Variants in SHROOM2 observed in about 807,000 individuals in gnomAD.
The protein encoded by SHROOM2 is shroom family member 2.
In SHROOM2, 33 loss-of-function variants were observed where a neutral mutation model predicts 75.9. The observed-to-expected ratio is 0.43, with a 90% CI of 0.33 to 0.58. The LOEUF (loss-of-function observed/expected upper bound fraction) is 0.58, where lower values mean the gene tolerates loss of function less well. SHROOM2 is among the 20% of genes least tolerant of loss of function. The pLI, the probability that SHROOM2 is intolerant of heterozygous loss-of-function variation, is 0.04. For synonymous variants in SHROOM2, 655 were observed against 663.6 expected (o/e 0.99, Z 0.20); for missense variants, 1,434 against 1,461.2 (o/e 0.98, Z 0.30).
intron 1 of SHROOM2, among the ~76,000 whole-genome samples, chrX:9,867,369 G>T (rs185332570): frequency 1.8e-5 from 2 of 111,529 alleles, no homozygotes; most frequent in Non-Finnish European, 3.8e-5. Context: ...ATGGGTCGGG[G>T]ATGATTGACT....
chrX:9,941,560 C>T (rs962568244), intron 8 of SHROOM2, among the ~76,000 whole-genome samples: 4 of 112,185 alleles, frequency 3.6e-5, no homozygotes, highest in Non-Finnish European at 7.5e-5. Flanking sequence ...GAAATCTGGA[C>T]TCCTTTCAGA....
chrX:9,792,828 C>T (rs1338293380), intron 1 of SHROOM2, among the ~76,000 whole-genome samples: 4 of 109,740 alleles, frequency 3.6e-5, no homozygotes, highest in Admixed American at 2.0e-4. Flanking sequence ...TCAAGCAATC[C>T]TCCCACCTCA....
At chrX:9,918,299 C>G (rs748523572) in intron 5 of SHROOM2, among the ~76,000 whole-genome samples, 21 of 112,167 alleles carry the variant, frequency 1.9e-4, no homozygotes, top group Non-Finnish European at 3.2e-4. Context: ...CCAGTTTACA[C>G]TCCTAAAACA....
At chrX:9,890,091 G>A (rs1302339134) in intron 2 of SHROOM2, among the ~76,000 whole-genome samples, 1 of 112,998 alleles carries the variant, frequency 8.8e-6, no homozygotes, top group African/African-American at 3.2e-5. Flanking sequence ...GGCTGGCTGA[G>A]TGTGGTGGCT....
intron 2 of SHROOM2, among the ~76,000 whole-genome samples, chrX:9,879,907 C>T (rs760363397): frequency 5.2e-4 from 58 of 112,117 alleles, no homozygotes; most frequent in Non-Finnish European, 8.4e-4. Context: ...ATTTTTTTAT[C>T]GGTTCCACAA....
intron 1 of SHROOM2, among the ~76,000 whole-genome samples, chrX:9,845,029 C>T (rs1045590891): frequency 5.4e-5 from 6 of 110,133 alleles, no homozygotes; most frequent in African/African-American, 1.7e-4. Flanking sequence ...GTTAGGAGCC[C>T]GTAAATGTTT....
chrX:9,932,157 T>C lies in SHROOM2; in HGVS notation c.2892-18T>C. 8.9e-7 allele frequency: 1 copy of C among 1,118,502 alleles called. No individual in the cohort carries two copies. The highest frequency in any genetic ancestry group is 2.2e-5 in the South Asian group (1 of 44,514). The allele number at this position is 1,118,502 out of a possible 1,213,427, so 92.2% of individuals were successfully genotyped here. A position where few individuals can be genotyped will look rare whatever the true frequency, so the allele number is the denominator to read the frequency against. ...ATTATTGGAATCGTTGATTAATTTG[T>C]ACTTGTTCTTCCTCTAGACAAGCAG... On this transcript the variant is annotated intron_variant, in intron 5 of 9. Coordinates refer to ENST00000380913, the MANE Select transcript of SHROOM2 (RefSeq NM_001649.4).
intron 5 of SHROOM2, among the ~76,000 whole-genome samples, chrX:9,930,345 A>G (rs2084636069): frequency 9.1e-6 from 1 of 110,016 alleles, no homozygotes; most frequent in African/African-American, 3.3e-5. Context: ...GTGAAACCCT[A>G]TCTCTACAAA....
At chrX:9,844,627 A>G (rs997556684) in intron 1 of SHROOM2, among the ~76,000 whole-genome samples, 1 of 111,243 alleles carries the variant, frequency 9.0e-6, no homozygotes, top group African/African-American at 3.3e-5. Context: ...AGCCTGGACA[A>G]CATGATAAAA....
chrX:9,937,753 G>T, intron 7 of SHROOM2, 68 bp downstream of exon 7: 2 of 941,419 alleles, frequency 2.1e-6, no homozygotes, highest in Non-Finnish European at 2.9e-6. Flanking sequence ...GTAAAGGGAA[G>T]GGGGTCTGCC....
In SHROOM2 at chrX:9,937,427, G is replaced by A. The variant is rs372702575; in HGVS notation, c.3881G>A (p.Arg1294His). The A allele has an allele frequency of 6.2e-5, 75 of 1,209,120 alleles. No individual in the cohort carries two copies. The African/African-American group carries it at 8.7e-4, about 14-fold the overall frequency. ...ACCCAGGTGCCCCCCGAGAAAGACC[G>A]CTGCACCTCCCCTCCAGGGCTCAGC... is the stretch of plus-strand genomic sequence containing the variant. ...LGTQVPPEKD[R>H]CTSPPGLSYM... The change falls in exon 7 of 10, where the codon CGC (arginine) becomes CAC (histidine). Residue 1294 changes from arginine (R) to histidine (H), a missense_variant. Arg to His is a conservative substitution (Grantham distance 29, BLOSUM62 0). Around this residue, in one of 3 missense-constraint regions of SHROOM2, gnomAD observed 1,340 missense variants for 1,338.3 expected, o/e 1.00. Transcript: ENST00000380913.
At chrX:9,931,203 G>C (rs73476625) in intron 5 of SHROOM2, among the ~76,000 whole-genome samples, 3,013 of 110,503 alleles carry the variant, frequency 0.027, 84 homozygotes, top group African/African-American at 0.088. Context: ...TGTGTCTTCA[G>C]CCTCCTCTAA....
rs749312349 is a variant in SHROOM2, at chrX:9,904,490, G to A, written c.2891+6200G>A. Among the ~76,000 whole-genome samples, 3 of 112,004 alleles carry A rather than the reference G, an allele frequency of 2.7e-5. No individual in the cohort carries two copies. The South Asian group carries it at 1.1e-3, about 42-fold the overall frequency. On this transcript the variant is annotated intron_variant, in intron 5 of 9. Coordinates refer to ENST00000380913, the MANE Select transcript of SHROOM2 (RefSeq NM_001649.4). Reference sequence around the variant, plus strand: ...CCTTTCCAGAAGAATCCAGCCCTGTGGAAAGCTGCCCCTTTGTTTCCCAGC... The same window carrying A: ...CCTTTCCAGAAGAATCCAGCCCTGTAGAAAGCTGCCCCTTTGTTTCCCAGC...
At chrX:9,921,609 C>T (rs988811633) in intron 5 of SHROOM2, among the ~76,000 whole-genome samples, 3 of 111,851 alleles carry the variant, frequency 2.7e-5, no homozygotes, top group African/African-American at 9.8e-5. Context: ...CTCACCAATA[C>T]CTCCCTGTTT....
At chrX:9,855,544 CAGAT>C (rs34574616) in intron 1 of SHROOM2, among the ~76,000 whole-genome samples, 18,102 of 108,665 alleles carry the variant, frequency 0.17, 2,380 homozygotes, top group African/African-American at 0.41. Context: ...CATATTAATC[CAGAT>C]AGATAGATAG....
At chrX:9,929,072 C>T (rs2084622548) in intron 5 of SHROOM2, among the ~76,000 whole-genome samples, 1 of 112,683 alleles carries the variant, frequency 8.9e-6, no homozygotes, top group African/African-American at 3.2e-5. Context: ...TGTGCGCAAG[C>T]ACAACATGGA....
At chrX:9,796,466 AC>A (rs1380040810) in intron 1 of SHROOM2, among the ~76,000 whole-genome samples, 1 of 111,025 alleles carries the variant, frequency 9.0e-6, no homozygotes, top group African/African-American at 3.3e-5. Context: ...AATAAAAAAT[AC>A]ATCTAATGCC....
At chrX:9,931,268 C>G (rs2084645900) in intron 5 of SHROOM2, among the ~76,000 whole-genome samples, 1 of 109,745 alleles carries the variant, frequency 9.1e-6, no homozygotes, top group African/African-American at 3.3e-5. Flanking sequence ...CCTCCCAACA[C>G]TTTGGGAGGC....
chrX:9,931,944 T>A (rs1369228897), intron 5 of SHROOM2, among the ~76,000 whole-genome samples: 1 of 110,646 alleles, frequency 9.0e-6, no homozygotes, highest in Non-Finnish European at 1.9e-5. Flanking sequence ...GTGTCTTGAA[T>A]GCTTCATGTT....
Sources: allele counts gnomAD v4.1 joint callset (sites outside exome capture counted in the v4.1 genomes callset), GRCh38; gene constraint gnomAD v4.1.1; regional missense constraint gnomAD v4.1.1; transcripts MANE v1.5; gene names NCBI Gene and HGNC (gene_info 2026-07-23, HGNC 2026-07-21).